The following THSD4 variants were observed in gnomAD, a reference collection of about 807,000 sequenced individuals.
The protein encoded by THSD4 is thrombospondin type 1 domain containing 4.
A neutral mutation model predicts 119.0 loss-of-function variants in THSD4; 69 were observed. The observed-to-expected ratio is 0.58, with a 90% confidence interval of 0.48 to 0.71. The LOEUF is 0.71. Ranked by LOEUF, THSD4 falls within the 30% of genes least tolerant of loss-of-function variation. The pLI is 0.00. For missense variants in THSD4, 1,393 were observed against 1,391.1 expected (o/e 1.00, Z -0.02); for synonymous variants, 524 against 540.4 (o/e 0.97, Z 0.42).
chr15:71,723,572 G>A (rs1014481813), intron 8 of THSD4, among the ~76,000 whole-genome samples: 3 of 152,192 alleles, frequency 2.0e-5, no homozygotes, highest in African/African-American at 7.2e-5. Context: ...AACTGTAATG[G>A]AGATGAAATC....
intron 6 of THSD4, among the ~76,000 whole-genome samples, chr15:71,321,234 CTG>C (rs2045263198): frequency 6.6e-6 from 1 of 152,146 alleles, no homozygotes; most frequent in Non-Finnish European, 1.5e-5. Flanking sequence ...TGTACTCCCT[CTG>C]TAAAACTTTT....
intron 7 of THSD4, among the ~76,000 whole-genome samples, chr15:71,658,201 A>G (rs1595836439): frequency 6.6e-6 from 1 of 152,124 alleles, no homozygotes; most frequent in East Asian, 1.9e-4. Flanking sequence ...ATGCCATAGG[A>G]TGAAAATCTA....
chr15:71,692,432 ATTC>A, intron 8 of THSD4, among the ~76,000 whole-genome samples: 1 of 152,158 alleles, frequency 6.6e-6, no homozygotes, highest in Non-Finnish European at 1.5e-5. Context: ...CAGGACATAT[ATTC>A]TTCCACTGTA....
intron 8 of THSD4, among the ~76,000 whole-genome samples, chr15:71,673,795 C>T (rs1444290101): frequency 5.3e-5 from 8 of 152,256 alleles, no homozygotes; most frequent in African/African-American, 7.2e-5. Flanking sequence ...CTCGCTCTGT[C>T]GCCCAGGCTA....
rs148838805 is a variant in THSD4 at position 71,157,886 on chromosome 15, T to C, written c.99+2954T>C. Reference sequence around the variant, plus strand: ...CACATTTTCTTTTCTGTTCATTTGTTGTTGGACAGTTGGGCTGAATACATA... The same window carrying C: ...CACATTTTCTTTTCTGTTCATTTGTCGTTGGACAGTTGGGCTGAATACATA... On this transcript the variant is annotated intron_variant, in intron 3 of 17. Coordinates refer to ENST00000261862, the MANE Select transcript of THSD4 (RefSeq NM_024817.3). Among the ~76,000 whole-genome samples, 532 of 152,130 alleles carry C rather than the reference T, an allele frequency of 3.5e-3. 3 individuals are homozygous for C. Among genetic ancestry groups the C allele is most frequent in the African/African-American group, 0.013 (521 of 41,540 alleles).
intron 4 of THSD4, among the ~76,000 whole-genome samples, chr15:71,229,341 G>A (rs1473521717): frequency 6.6e-6 from 1 of 152,164 alleles, no homozygotes; most frequent in East Asian, 1.9e-4. Flanking sequence ...TTTAAATACA[G>A]TTGTCCCTTG....
chr15:71,389,816 T>TTTTTTTTTTTTTTTG, intron 6 of THSD4, among the ~76,000 whole-genome samples: 1 of 128,578 alleles, frequency 7.8e-6, no homozygotes, highest in South Asian at 2.8e-4. Flanking sequence ...GGTTGTTTTT[T>TTTTTTTTTTTTTTTG]TTTTTTTTTT....
chr15:71,237,815 T>C (rs1434929026), intron 4 of THSD4, among the ~76,000 whole-genome samples: 1 of 152,170 alleles, frequency 6.6e-6, no homozygotes, highest in Non-Finnish European at 1.5e-5. Flanking sequence ...GTGACTTTGC[T>C]TGAGTCATGC....
chr15:71,591,986 G>T (rs2049816671), intron 7 of THSD4, among the ~76,000 whole-genome samples: 1 of 152,154 alleles, frequency 6.6e-6, no homozygotes, highest in South Asian at 2.1e-4. Flanking sequence ...ATCCCTATGA[G>T]GCAGATGTTA....
chr15:71,757,875 C>G (rs1222231986), intron 14 of THSD4, 27 bp from the exon 15 acceptor site: 1 of 1,611,440 alleles, frequency 6.2e-7, no homozygotes, highest in East Asian at 2.2e-5. Flanking sequence ...GGCCTCCTGA[C>G]TAATGTGCCC....
intron 7 of THSD4, among the ~76,000 whole-genome samples, chr15:71,437,380 G>A (rs2047026572): frequency 6.6e-6 from 1 of 152,228 alleles, no homozygotes; most frequent in African/African-American, 2.4e-5. Context: ...GAAGACGATG[G>A]TTTGTGACAG....
intron 7 of THSD4, among the ~76,000 whole-genome samples, chr15:71,490,673 G>A (rs774261064): frequency 1.3e-5 from 2 of 151,878 alleles, no homozygotes; most frequent in African/African-American, 4.8e-5. Flanking sequence ...ATGTTGCAGT[G>A]AGCCAAGGTC....
At position 71,395,837 on chromosome 15, in the gene THSD4, G is replaced by T. The variant is rs556577763; in HGVS notation, c.1016-15850G>T. ...CATACCAGAACATTCTTTTGCTGAA[G>T]CCATCAAAACTCTCTTCCTGCTACA... is the stretch of plus-strand genomic sequence containing the variant. On this transcript the variant is annotated intron_variant, in intron 6 of 17. Coordinates refer to ENST00000261862, the MANE Select transcript of THSD4 (RefSeq NM_024817.3). Among the ~76,000 whole-genome samples, 140 of 151,734 alleles carry T rather than the reference G, an allele frequency of 9.2e-4. 4 individuals are homozygous for T. In the South Asian group the frequency reaches 0.027, roughly 30 times the overall value.
At chr15:71,444,521 A>G (rs1235153664) in intron 7 of THSD4, among the ~76,000 whole-genome samples, 6 of 152,228 alleles carry the variant, frequency 3.9e-5, no homozygotes, top group African/African-American at 1.4e-4. Flanking sequence ...CACCAGACTC[A>G]TCTGCTAATT....
chr15:71,193,172 C>G (rs1236296284), intron 3 of THSD4, among the ~76,000 whole-genome samples: 1 of 152,100 alleles, frequency 6.6e-6, no homozygotes, highest in Non-Finnish European at 1.5e-5. Context: ...GTTGGCACAA[C>G]TCTCAAATGG....
At chr15:71,325,872 CA>C (rs1278101429) in intron 6 of THSD4, among the ~76,000 whole-genome samples, 1 of 152,172 alleles carries the variant, frequency 6.6e-6, no homozygotes, top group Non-Finnish European at 1.5e-5. Flanking sequence ...GTTATGATAA[CA>C]TCAAAACCAG....
intron 6 of THSD4, among the ~76,000 whole-genome samples, chr15:71,312,618 C>T (rs1596330344): frequency 6.6e-6 from 1 of 151,990 alleles, no homozygotes; most frequent in Non-Finnish European, 1.5e-5. Context: ...CCCTAGAAAA[C>T]TCCTCTAACC....
chr15:71,598,629 G>GT (rs905669731), intron 7 of THSD4, among the ~76,000 whole-genome samples: 2 of 151,836 alleles, frequency 1.3e-5, no homozygotes, highest in South Asian at 2.1e-4. Flanking sequence ...TGTTTGTTTT[G>GT]TTTTTTTGTT....
chr15:71,099,069 T>C (rs2040243438), intron 1 of THSD4, among the ~76,000 whole-genome samples: 1 of 152,218 alleles, frequency 6.6e-6, no homozygotes. Context: ...CACAGCGACC[T>C]TTAAGAGAGT....
Sources: gnomAD v4.1 joint callset for allele counts (sites outside exome capture counted in the v4.1 genomes callset) on GRCh38, gnomAD v4.1.1 for gene constraint, MANE v1.5 for transcripts, NCBI Gene and HGNC (gene_info 2026-07-23, HGNC 2026-07-21) for gene names.